HDAC1: variants seen among roughly 807,000 people sequenced by gnomAD.
The protein encoded by HDAC1 is protein deacetylase HDAC1.
A neutral mutation model predicts 65.5 loss-of-function variants in HDAC1; 18 were observed. The observed-to-expected ratio is 0.27, with a 90% CI of 0.19 to 0.41. The LOEUF (loss-of-function observed/expected upper bound fraction) is 0.41, where lower values mean the gene tolerates loss of function less well. Among genes scored for constraint, HDAC1 ranks in the 10% least tolerant of loss-of-function variants. The pLI, the probability that HDAC1 is intolerant of heterozygous loss-of-function variation, is 1.00. For missense variants in HDAC1, 373 were observed against 625.2 expected (o/e 0.60, Z 4.30); for synonymous variants, 211 against 227.9 (o/e 0.93, Z 0.67).
intron 1 of HDAC1, among the ~76,000 whole-genome samples, chr1:32,301,433 G>A (rs1241264509): frequency 2.7e-5 from 4 of 150,842 alleles, no homozygotes; most frequent in Admixed American, 1.3e-4. Flanking sequence ...GCAACACAGC[G>A]AGACTCTGTC....
At chr1:32,297,232 A>G (rs1640778973) in intron 1 of HDAC1, among the ~76,000 whole-genome samples, 1 of 152,142 alleles carries the variant, frequency 6.6e-6, no homozygotes, top group African/African-American at 2.4e-5. Flanking sequence ...TTATGATAAC[A>G]TTGTCAGTTT....
Position 32,330,718 on chromosome 1 carries a change from G to A in HDAC1, c.838+32G>A, listed in dbSNP as rs200411094. On this transcript the variant is annotated intron_variant, in intron 8 of 13. Transcript: ENST00000373548. The surrounding 1 kb of genome is among the most constrained non-coding windows in gnomAD (Gnocchi z 4.2). ...CCAGGTAGCACAAGGATGGGTGGGCGGGGTCCTGCTTGGTGCTCCTGTAAC... is the reference window on the plus strand; with the variant it reads ...CCAGGTAGCACAAGGATGGGTGGGCAGGGTCCTGCTTGGTGCTCCTGTAAC... 94 of 1,613,646 alleles carry A rather than the reference G, an allele frequency of 5.8e-5. No individual in the cohort carries two copies. The highest frequency in any genetic ancestry group is 7.7e-5 in the South Asian group (7 of 91,066).
chr1:32,292,239 G>A, intron 1 of HDAC1, 21 bp downstream of exon 1: 3 of 1,547,948 alleles, frequency 1.9e-6, no homozygotes, highest in Middle Eastern at 2.0e-4. Flanking sequence ...TCCTCGCGGC[G>A]GGGGCGGGGC....
intron 2 of HDAC1, among the ~76,000 whole-genome samples, chr1:32,305,376 G>A (rs962532481): frequency 2.0e-5 from 3 of 152,134 alleles, no homozygotes; most frequent in African/African-American, 7.2e-5. Flanking sequence ...AATTGGGTCA[G>A]GACATATGCA....
intron 2 of HDAC1, among the ~76,000 whole-genome samples, chr1:32,315,320 A>C (rs2148064401): frequency 6.6e-6 from 1 of 151,942 alleles, no homozygotes; most frequent in Middle Eastern, 3.4e-3. Flanking sequence ...TTTGTCCATA[A>C]TTTTATAATA....
At chr1:32,310,961 A>AG (rs1279330176) in intron 2 of HDAC1, among the ~76,000 whole-genome samples, 1 of 152,032 alleles carries the variant, frequency 6.6e-6, no homozygotes, top group Non-Finnish European at 1.5e-5. Context: ...AGAAAAAAAA[A>AG]GAAAGAGAGA....
In HDAC1 at chr1:32,330,979, C is replaced by T; in HGVS notation, c.979+71C>T. 1 of 1,488,900 alleles carries T rather than the reference C, an allele frequency of 6.7e-7. No individual in the cohort carries two copies. 92.2% of individuals were successfully genotyped at this position (1,488,900 alleles called of 1,614,324 possible). A position where few individuals can be genotyped will look rare whatever the true frequency, so the allele number is the denominator to read the frequency against. On this transcript the variant is annotated intron_variant, in intron 9 of 13. Coordinates refer to ENST00000373548, the MANE Select transcript of HDAC1 (RefSeq NM_004964.3). This position sits in a 1 kb window ranked among gnomAD's most constrained non-coding sequence, Gnocchi z 4.2. ...AGCTCATCTGTCCTTAAGTTTATAA[C>T]CCCTTCCCCGTTGGTCATATGACCG...
chr1:32,323,409 T>A (rs1025168383), intron 3 of HDAC1, among the ~76,000 whole-genome samples: 16 of 152,280 alleles, frequency 1.1e-4, no homozygotes, highest in African/African-American at 3.1e-4. Flanking sequence ...TTATTTATTT[T>A]TTTGAGACAG....
At position 32,330,988 on chromosome 1, in the gene HDAC1, C is replaced by A; in HGVS notation, c.979+80C>A. 1.4e-6 allele frequency: 2 copies of A among 1,405,854 alleles called. No individual in the cohort carries two copies. Among genetic ancestry groups the A allele is most frequent in the Non-Finnish European group, 2.0e-6 (2 of 1,001,308 alleles). The allele number at this position is 1,405,854 out of a possible 1,614,324, so 87.1% of individuals were successfully genotyped here. On this transcript the variant is annotated intron_variant, in intron 9 of 13. Transcript: ENST00000373548. This position sits in a 1 kb window ranked among gnomAD's most constrained non-coding sequence, Gnocchi z 4.2. ...GTCCTTAAGTTTATAACCCCTTCCC[C>A]GTTGGTCATATGACCGCTCCTCTTC...
At chr1:32,310,207 T>C (rs576878823) in intron 2 of HDAC1, among the ~76,000 whole-genome samples, 43 of 152,320 alleles carry the variant, frequency 2.8e-4, no homozygotes, top group African/African-American at 1.0e-3. Flanking sequence ...TGTTTTAAGC[T>C]AGCTAAACTG....
chr1:32,331,533 C>G lies in HDAC1; in HGVS notation c.1039C>G (p.Pro347Ala), dbSNP rs929180181. 1 of 1,612,336 alleles carries G rather than the reference C, an allele frequency of 6.2e-7. No homozygotes were observed. ...ACCAGATTTCAAGCTCCACATCAGT[C>G]CTTCCAATATGACTAACCAGAACAC... is the stretch of plus-strand genomic sequence containing the variant. Reference protein sequence around the residue: ...FGPDFKLHISPSNMTNQNTNE... With the variant: ...FGPDFKLHISASNMTNQNTNE... The change falls in exon 10 of 14, where the codon CCT (proline) becomes GCT (alanine). Residue 347 changes from proline to alanine, a missense_variant. Pro to Ala is a conservative substitution (Grantham distance 27, BLOSUM62 -1). Around this residue, in one of 4 missense-constraint regions of HDAC1, gnomAD observed 105 missense variants for 192.6 expected, o/e 0.55. Transcript: ENST00000373548. This position sits in a 1 kb window ranked among gnomAD's most constrained non-coding sequence, Gnocchi z 4.2.
intron 2 of HDAC1, among the ~76,000 whole-genome samples, chr1:32,312,179 C>G (rs893796506): frequency 1.3e-5 from 2 of 151,952 alleles, no homozygotes; most frequent in Non-Finnish European, 2.9e-5. Flanking sequence ...CAGTATCTGT[C>G]GTTCAGTCTT....
intron 3 of HDAC1, among the ~76,000 whole-genome samples, chr1:32,318,637 A>G (rs942291108): frequency 2.6e-5 from 4 of 151,950 alleles, no homozygotes; most frequent in Non-Finnish European, 5.9e-5. Flanking sequence ...TATATATAAT[A>G]TGTCTACCCT....
chr1:32,292,422 G>T (rs981470030), intron 1 of HDAC1: 13 of 985,304 alleles, frequency 1.3e-5, no homozygotes, highest in Middle Eastern at 1.0e-3. Flanking sequence ...AGGGGATCGC[G>T]TGGGGGAAGC....
At chr1:32,301,350 G>T (rs1174240865) in intron 1 of HDAC1, among the ~76,000 whole-genome samples, 1 of 152,174 alleles carries the variant, frequency 6.6e-6, no homozygotes. Flanking sequence ...GGAGGCTGAG[G>T]CAGGAGAATG....
chr1:32,309,040 G>A (rs1390344082), intron 2 of HDAC1, among the ~76,000 whole-genome samples: 2 of 152,094 alleles, frequency 1.3e-5, no homozygotes, highest in Non-Finnish European at 2.9e-5. Context: ...TCAAAGTGCT[G>A]GGCCCAAGCA....
At chr1:32,304,448 G>A (rs1640886241) in intron 2 of HDAC1, among the ~76,000 whole-genome samples, 1 of 152,176 alleles carries the variant, frequency 6.6e-6, no homozygotes, top group South Asian at 2.1e-4. Context: ...CTGCAGGCTG[G>A]AGTGCAGTGG....
chr1:32,306,215 A>T (rs1640909522), intron 2 of HDAC1, among the ~76,000 whole-genome samples: 1 of 134,352 alleles, frequency 7.4e-6, no homozygotes, highest in African/African-American at 2.8e-5. Context: ...TTTGAGACAG[A>T]GTTTTGCTCT....
At chr1:32,322,239 T>C (rs369262544) in intron 3 of HDAC1, among the ~76,000 whole-genome samples, 16 of 151,938 alleles carry the variant, frequency 1.1e-4, no homozygotes, top group African/African-American at 3.6e-4. Flanking sequence ...CTCCTGCCTC[T>C]GACTTCCTGT....
Sources: allele counts gnomAD v4.1 joint callset (sites outside exome capture counted in the v4.1 genomes callset), GRCh38; gene constraint gnomAD v4.1.1; regional missense constraint gnomAD v4.1.1; non-coding constraint Gnocchi (gnomAD v3.1); transcripts MANE v1.5; gene names NCBI Gene and HGNC (gene_info 2026-07-23, HGNC 2026-07-21).